Variants in CFAP54 observed in about 807,000 individuals in gnomAD.
CFAP54 encodes cilia and flagella associated protein 54.
CFAP54 carries 290 observed loss-of-function variants against 370.4 expected under a neutral mutation model. That is an observed-to-expected ratio of 0.78 (90% CI 0.71 to 0.86). The LOEUF is 0.86. CFAP54 is among the 40% of genes least tolerant of loss of function. CFAP54 has a pLI of 0.00. For synonymous variants in CFAP54, 1,206 were observed against 1,236.5 expected, an observed-to-expected ratio of 0.98 and a Z score of 0.52; for missense variants, 3,399 against 3,528.7, an observed-to-expected ratio of 0.96 and a Z score of 0.93.
chr12:96,552,343 C>CT (rs559593028), intron 15 of CFAP54, among the ~76,000 whole-genome samples: 1 of 149,354 alleles, frequency 6.7e-6, no homozygotes, highest in Non-Finnish European at 1.5e-5. Context: ...TAATAATAAT[C>CT]TTTTTTTTGT....
At chr12:96,664,801 A>ATC (rs1957058684) in intron 39 of CFAP54, among the ~76,000 whole-genome samples, 1 of 38,196 alleles carries the variant, frequency 2.6e-5, no homozygotes, top group Non-Finnish European at 4.8e-5. Context: ...ATATATATAT[A>ATC]TATATATATA....
At chr12:96,806,213 T>TATATATATATATAA (rs1392329026) in intron 63 of CFAP54, among the ~76,000 whole-genome samples, 28 of 49,650 alleles carry the variant, frequency 5.6e-4, no homozygotes, top group African/African-American at 7.4e-4. Context: ...TATATATATA[T>TATATATATATATAA]AATAACAACA....
chr12:96,501,215 G>A (rs1955022123), intron 2 of CFAP54: 1 of 264,138 alleles, frequency 3.8e-6, no homozygotes, highest in African/African-American at 2.2e-5. Context: ...GGGTGTGGTA[G>A]GCACACAACA....
At chr12:96,581,976 A>G (rs1399816526) in intron 22 of CFAP54, among the ~76,000 whole-genome samples, 1 of 152,146 alleles carries the variant, frequency 6.6e-6, no homozygotes, top group East Asian at 1.9e-4. Flanking sequence ...ATCTTTACCT[A>G]CATCCATGAT....
chr12:96,803,684 C>T (rs906839863), intron 63 of CFAP54, among the ~76,000 whole-genome samples: 1 of 152,106 alleles, frequency 6.6e-6, no homozygotes, highest in Non-Finnish European at 1.5e-5. Flanking sequence ...CACCCAAAAT[C>T]AAAGCCAAAA....
At chr12:96,546,196 T>G (rs1462034577) in intron 14 of CFAP54, among the ~76,000 whole-genome samples, 1 of 152,150 alleles carries the variant, frequency 6.6e-6, no homozygotes, top group Non-Finnish European at 1.5e-5. Context: ...GTGATCTGAC[T>G]CTATCTGCAA....
At chr12:96,551,822 A>C (rs1955697688) in intron 15 of CFAP54, among the ~76,000 whole-genome samples, 1 of 152,258 alleles carries the variant, frequency 6.6e-6, no homozygotes, top group Non-Finnish European at 1.5e-5. Flanking sequence ...GTAAAAGATT[A>C]AAAGCAGCCC....
At position 96,594,305 on chromosome 12, in the gene CFAP54, T is replaced by A. The variant is rs1478385459; in HGVS notation, c.3375T>A (p.Ile1125=). 1 of 1,531,170 alleles carries A rather than the reference T, an allele frequency of 6.5e-7. No homozygotes were observed. The highest frequency in any genetic ancestry group is 8.7e-7 in the Non-Finnish European group (1 of 1,143,710). The allele number at this position is 1,531,170 out of a possible 1,614,324, so 94.8% of individuals were successfully genotyped here. The change falls in exon 25 of 68, where the codon ATT becomes ATA. Residue 1125 remains isoleucine (I), a synonymous_variant. Transcript: ENST00000524981. The part of the protein sequence containing the change: ...IFPSQQIARL[I]ECERVLVALE... Reference sequence around the variant, plus strand: ...TTTCTTTACAGATTGCCAGACTGATTGAATGTGAGAGAGTATTAGTGGCAT... The same window carrying A: ...TTTCTTTACAGATTGCCAGACTGATAGAATGTGAGAGAGTATTAGTGGCAT...
intron 8 of CFAP54, among the ~76,000 whole-genome samples, chr12:96,522,538 C>G (rs546049571): frequency 1.3e-5 from 2 of 152,296 alleles, no homozygotes; most frequent in South Asian, 2.1e-4. Context: ...GCTGAGCAGG[C>G]GAGCAGGCTT....
At position 96,591,020 on chromosome 12, in the gene CFAP54, G is replaced by A. The variant is rs575416942; in HGVS notation, c.3212+1457G>A. On this transcript the variant is annotated intron_variant, in intron 23 of 67. Transcript: ENST00000524981. ...TGTTTAACAGAAAAGACAGAAGGCC[G>A]GAATTGAACCCTAGGCATTGCTTAA... Among the ~76,000 whole-genome samples, 8 of 152,256 alleles carry A rather than the reference G, an allele frequency of 5.3e-5. 1 individual carries two copies. The highest frequency in any genetic ancestry group is 1.2e-4 in the African/African-American group (5 of 41,552).
chr12:96,800,112 T>G (rs181128971), intron 63 of CFAP54, among the ~76,000 whole-genome samples: 1 of 152,324 alleles, frequency 6.6e-6, no homozygotes, highest in Non-Finnish European at 1.5e-5. Flanking sequence ...GCATAAAGTT[T>G]ATTTCACAAG....
At chr12:96,874,957 C>T (rs2136477558) in intron 67 of CFAP54, among the ~76,000 whole-genome samples, 161 bp from the exon 68 acceptor site, 1 of 152,068 alleles carries the variant, frequency 6.6e-6, no homozygotes, top group Non-Finnish European at 1.5e-5. Context: ...GATGATGTGG[C>T]ATTCAGCGTT....
rs1448521959 is a variant in CFAP54, at chr12:96,792,516, T to G, written c.8850+17T>G. 2.1e-5 allele frequency: 31 copies of G among 1,499,324 alleles called. No individual in the cohort carries two copies. The highest frequency in any genetic ancestry group is 2.8e-5 in the Non-Finnish European group (31 of 1,124,706). The allele number at this position is 1,499,324 out of a possible 1,614,324, so 92.9% of individuals were successfully genotyped here. A position where few individuals can be genotyped will look rare whatever the true frequency, so the allele number is the denominator to read the frequency against. ...GAACCTATGGTATGTAATGTACTTA[T>G]AGAACTCAATATTTCATTTATATAT... On this transcript the variant is annotated intron_variant, in intron 63 of 67. Transcript: ENST00000524981.
At chr12:96,646,863 A>T (rs530580380) in intron 33 of CFAP54, 1 of 152,226 alleles carries the variant, frequency 6.6e-6, no homozygotes, top group Admixed American at 6.5e-5. Flanking sequence ...CGAAAAATCA[A>T]ACACCGCATG....
At chr12:96,858,371 T>G (rs1317608010) in intron 66 of CFAP54, among the ~76,000 whole-genome samples, 1 of 152,168 alleles carries the variant, frequency 6.6e-6, no homozygotes, top group Non-Finnish European at 1.5e-5. Flanking sequence ...TGGTTTCAGT[T>G]CCTCATAGAT....
At chr12:96,676,422 T>TC (rs1374858382) in intron 39 of CFAP54, among the ~76,000 whole-genome samples, 1 of 151,922 alleles carries the variant, frequency 6.6e-6, no homozygotes, top group Non-Finnish European at 1.5e-5. Context: ...ATATTTGTGG[T>TC]CCCCCCCACC....
chr12:96,495,849 G>GT (rs2136343573), intron 1 of CFAP54, among the ~76,000 whole-genome samples: 1 of 152,074 alleles, frequency 6.6e-6, no homozygotes, highest in Admixed American at 6.6e-5. Flanking sequence ...AACAAAGCTG[G>GT]TATTTTTCTT....
intron 22 of CFAP54, among the ~76,000 whole-genome samples, 166 bp downstream of exon 22, chr12:96,581,271 C>T (rs1956030239): frequency 6.6e-6 from 1 of 152,134 alleles, no homozygotes; most frequent in Non-Finnish European, 1.5e-5. Context: ...ATCATTCCTT[C>T]TCTTATTAGT....
intron 5 of CFAP54, among the ~76,000 whole-genome samples, chr12:96,517,714 A>T (rs957613322): frequency 6.6e-6 from 1 of 152,226 alleles, no homozygotes; most frequent in Admixed American, 6.5e-5. Context: ...AGTGTCCACA[A>T]CCAGGGACTG....
Sources: gnomAD v4.1 joint callset for allele counts (sites outside exome capture counted in the v4.1 genomes callset) on GRCh38, gnomAD v4.1.1 for gene constraint, MANE v1.5 for transcripts, NCBI Gene and HGNC (gene_info 2026-07-23, HGNC 2026-07-21) for gene names.